The following ADAD2 variants were observed in gnomAD, a reference collection of about 807,000 sequenced individuals.
ADAD2 encodes the protein adenosine deaminase domain containing 2.
ADAD2 carries 60 observed loss-of-function variants against 54.5 expected under a neutral mutation model. The observed-to-expected ratio is 1.10, with a 90% CI of 0.89 to 1.36. The LOEUF (loss-of-function observed/expected upper bound fraction) is 1.36. ADAD2 is among the 40% of genes most tolerant of loss of function. The pLI is 0.00. For missense variants in ADAD2, 1,103 were observed against 801.3 expected (o/e 1.38, Z -4.54); for synonymous variants, 543 against 366.2 (o/e 1.48, Z -5.51).
rs1417298498 is a variant in ADAD2 at position 84,196,346 on chromosome 16, TG to T, written c.1504del (p.Ala502ProfsTer5). The T allele has an allele frequency of 2.5e-6, 4 of 1,612,584 alleles. No homozygotes were observed. The highest frequency in any genetic ancestry group is 3.4e-6 in the Non-Finnish European group (4 of 1,179,804). On this transcript the variant is annotated frameshift_variant, in exon 8 of 10. Coordinates refer to ENST00000315906, the MANE Select transcript of ADAD2 (RefSeq NM_001145400.2). LOFTEE classifies it high-confidence loss of function. ...LGDPGIEVVD[V>X]ATGRVKANAA... ...GACCCTGGCATCGAGGTTGTGGATG[TG>T]GCCACCGGGCGTGTGAAGGCCAAGT...
At position 84,191,658 on chromosome 16, in the gene ADAD2, G is replaced by A; in HGVS notation, c.418+10G>A. On this transcript the variant is annotated intron_variant, in intron 1 of 9. Coordinates refer to ENST00000315906, the MANE Select transcript of ADAD2 (RefSeq NM_001145400.2). Reference sequence around the variant, plus strand: ...GAGGACCAGCCACCAGGTGAGGCCGGGCCGGGGCATGGCTGTGCCAGAGGG... The same window carrying A: ...GAGGACCAGCCACCAGGTGAGGCCGAGCCGGGGCATGGCTGTGCCAGAGGG... 6.4e-7 allele frequency: 1 copy of A among 1,555,432 alleles called. No homozygotes were observed. Among genetic ancestry groups the A allele is most frequent in the Non-Finnish European group, 8.7e-7 (1 of 1,150,270 alleles).
In ADAD2 at chr16:84,194,283, G is replaced by A. The variant is rs557283546; in HGVS notation, c.419-159G>A. ...TGCAGAGGCACTCAAGGGTGTGCGC[G>A]GCATGGGGTGGCGATGGAGCCTGCT... is the stretch of plus-strand genomic sequence containing the variant. On this transcript the variant is annotated intron_variant, in intron 1 of 9. Transcript: ENST00000315906. The A allele has an allele frequency of 3.6e-5, 56 of 1,549,180 alleles. No homozygotes were observed. In the African/African-American group the frequency reaches 3.7e-4, roughly 10 times the overall value.
rs1454322478 is a variant in ADAD2 at position 84,191,388 on chromosome 16, G to C, written c.158G>C (p.Arg53Pro). ...CCCGCGCCCGCGCCCGCGACGTATC[G>C]CGCGGAGGGCGGGTGGCCCCAGGTC... ...WGPAPAPATY[R>P]AEGGWPQVSV... The change falls in exon 1 of 10, where the codon CGC (arginine) becomes CCC (proline). Residue 53 changes from arginine to proline, a missense_variant. Arg to Pro is a moderately radical substitution (Grantham distance 103, BLOSUM62 -2). Transcript: ENST00000315906. 3.3e-6 allele frequency: 5 copies of C among 1,503,840 alleles called. No individual in the cohort carries two copies. Among genetic ancestry groups the C allele is most frequent in the African/African-American group, 2.8e-5 (2 of 71,352 alleles). 93.2% of individuals were successfully genotyped at this position (1,503,840 alleles called of 1,614,324 possible).
In ADAD2 at chr16:84,196,693, C is replaced by G. The variant is rs113320776; in HGVS notation, c.1573C>G (p.Arg525Gly). ...PSRLCKASFLRAFHQAARAVG... is the reference protein window; with the variant it reads ...PSRLCKASFLGAFHQAARAVG... ...CCGTCTCTGCAAGGCCTCCTTTCTCCGGGCCTTTCACCAGGCGGCCAGGGC... is the reference window on the plus strand; with the variant it reads ...CCGTCTCTGCAAGGCCTCCTTTCTCGGGGCCTTTCACCAGGCGGCCAGGGC... The change falls in exon 9 of 10, where the codon CGG becomes GGG. Residue 525 changes from arginine (R) to glycine (G), a missense_variant. Physicochemically the swap from Arg to Gly is moderately radical, Grantham distance 125. Transcript: ENST00000315906. 14 of 1,613,448 alleles carry G rather than the reference C, an allele frequency of 8.7e-6. No individual in the cohort carries two copies. In the Admixed American group the frequency reaches 1.0e-4, roughly 12 times the overall value.
chr16:84,195,399 G>C lies in ADAD2; in HGVS notation c.837G>C (p.Gln279His). 1 of 1,609,056 alleles carries C rather than the reference G, an allele frequency of 6.2e-7. No homozygotes were observed. Among genetic ancestry groups the C allele is most frequent in the Non-Finnish European group, 8.5e-7 (1 of 1,179,440 alleles). The change falls in exon 5 of 10, where the codon CAG becomes CAC. Residue 279 changes from glutamine to histidine, a missense_variant. Transcript: ENST00000315906. ...GCTGGCTGGAGTTCTCGGGCCAGCAGCTCCACGACTGCCATGGCCTGGTCA... is the reference window on the plus strand; with the variant it reads ...GCTGGCTGGAGTTCTCGGGCCAGCACCTCCACGACTGCCATGGCCTGGTCA... ...CAGWLEFSGQ[Q>H]LHDCHGLVIA...
chr16:84,192,944 A>C (rs2089674004), intron 1 of ADAD2: 1 of 151,832 alleles, frequency 6.6e-6, no homozygotes, highest in South Asian at 2.1e-4. Context: ...TTTCGAATTC[A>C]AACGATTCTT....
rs1255308225 is a variant in ADAD2 at position 84,197,039 on chromosome 16, C to T, written c.*65C>T. ...TACCCCTGCTGGGGGAGTGCCCTATCTGAGGAGCGTTGTGGGGAGAACATG... is the reference window on the plus strand; with the variant it reads ...TACCCCTGCTGGGGGAGTGCCCTATTTGAGGAGCGTTGTGGGGAGAACATG... On this transcript the variant is annotated 3_prime_UTR_variant, in exon 10 of 10. Coordinates refer to ENST00000315906, the MANE Select transcript of ADAD2 (RefSeq NM_001145400.2). 9 of 1,480,166 alleles carry T rather than the reference C, an allele frequency of 6.1e-6. No individual in the cohort carries two copies. In the Admixed American group the frequency reaches 1.8e-4, roughly 30 times the overall value. 91.7% of individuals were successfully genotyped at this position (1,480,166 alleles called of 1,614,324 possible).
Position 84,196,526 on chromosome 16 carries a change from G to C in ADAD2, c.1527-121G>C, listed in dbSNP as rs1371287407. 7 of 1,551,618 alleles carry C rather than the reference G, an allele frequency of 4.5e-6. No individual in the cohort carries two copies. The East Asian group carries it at 1.1e-4, about 25-fold the overall frequency. Reference sequence around the variant, plus strand: ...GCTCCGTAGTGGTGGCCACACCTCTGTCTGCCCTGTGAGTCCTGTGACATT... The same window carrying C: ...GCTCCGTAGTGGTGGCCACACCTCTCTCTGCCCTGTGAGTCCTGTGACATT... On this transcript the variant is annotated intron_variant, in intron 8 of 9. Coordinates refer to ENST00000315906, the MANE Select transcript of ADAD2 (RefSeq NM_001145400.2).
At position 84,194,494 on chromosome 16, in the gene ADAD2, T is replaced by C. The variant is rs756244977; in HGVS notation, c.471T>C (p.Pro157=). ...VSAELDGVVC[P]AGTANSKTEA... ...CGGAACTGGATGGGGTGGTCTGCCC[T>C]GCGGGCACTGCGAATAGCAAGACGG... is the stretch of plus-strand genomic sequence containing the variant. The change falls in exon 2 of 10, where the codon CCT becomes CCC. Residue 157 remains proline (P), a synonymous_variant. Transcript: ENST00000315906. 6.8e-6 allele frequency: 11 copies of C among 1,611,732 alleles called. No individual in the cohort carries two copies. In the African/African-American group the frequency reaches 8.0e-5, roughly 12 times the overall value.
Position 84,191,525 on chromosome 16 carries a change from G to C in ADAD2, c.295G>C (p.Val99Leu). Residue 99 changes from valine (V) to leucine (L), a missense_variant, in exon 1 of 10, where the codon GTG becomes CTG. Physicochemically the swap from Val to Leu is conservative, Grantham distance 32 (BLOSUM62 1). Transcript: ENST00000315906. The part of the protein sequence containing the change: ...EQMGKAPRVP[V>L]PPAGLSLPLK... ...GATGGGGAAGGCCCCGAGGGTCCCT[G>C]TGCCCCCAGCAGGGCTCAGCCTGCC... The C allele has an allele frequency of 1.3e-6, 2 of 1,546,252 alleles. No individual in the cohort carries two copies. The highest frequency in any genetic ancestry group is 1.7e-6 in the Non-Finnish European group (2 of 1,146,568).
intron 2 of ADAD2, 22 bp from the exon 3 acceptor site, chr16:84,194,911 C>A (rs2089706215): frequency 6.3e-7 from 1 of 1,589,150 alleles, no homozygotes. Context: ...CCACACCAGC[C>A]CGCCCTCCTT....
rs2089740673 is a variant in ADAD2 at position 84,196,980 on chromosome 16, G to C, written c.*6G>C. ...TGGGCAAATTCAGAAACTGAAGCCA[G>C]CCTCGGCGGGACCGAGGTCCCGGAG... On this transcript the variant is annotated 3_prime_UTR_variant, in exon 10 of 10. Transcript: ENST00000315906. The C allele has an allele frequency of 6.3e-7, 1 of 1,586,510 alleles. No individual in the cohort carries two copies. Among genetic ancestry groups the C allele is most frequent in the South Asian group, 1.1e-5 (1 of 87,212 alleles).
intron 1 of ADAD2, 24 bp from the exon 2 acceptor site, chr16:84,194,418 T>A: frequency 1.3e-6 from 2 of 1,597,442 alleles, no homozygotes; most frequent in African/African-American, 1.3e-5. Flanking sequence ...AGGGGGCTGC[T>A]TCCTCACCTG....
In ADAD2 at chr16:84,191,220, C is replaced by A; in HGVS notation, c.-11C>A. On this transcript the variant is annotated 5_prime_UTR_variant, in exon 1 of 10. Coordinates refer to ENST00000315906, the MANE Select transcript of ADAD2 (RefSeq NM_001145400.2). ...GATAGGGCCTAGCGCCTCAGATCTT[C>A]GTTGGCGGCCATGGCTTCGGCTTCT... 1 of 1,606,148 alleles carries A rather than the reference C, an allele frequency of 6.2e-7. No individual in the cohort carries two copies. The highest frequency in any genetic ancestry group is 8.5e-7 in the Non-Finnish European group (1 of 1,175,982).
In ADAD2 at chr16:84,196,787, C is replaced by A; in HGVS notation, c.1647+20C>A. The A allele has an allele frequency of 6.2e-7, 1 of 1,603,422 alleles. No individual in the cohort carries two copies. On this transcript the variant is annotated intron_variant, in intron 9 of 9. Coordinates refer to ENST00000315906, the MANE Select transcript of ADAD2 (RefSeq NM_001145400.2). ...GCCAAGGTTGGTTCCCCACCCTCCC[C>A]CCGTCCCGGTCCCTCTCCAGCCCTG...
Position 84,191,346 on chromosome 16 carries a change from C to T in ADAD2, c.116C>T (p.Ala39Val), listed in dbSNP as rs1318553634. The T allele has an allele frequency of 6.4e-7, 1 of 1,571,346 alleles. No individual in the cohort carries two copies. The highest frequency in any genetic ancestry group is 8.6e-7 in the Non-Finnish European group (1 of 1,161,132). Residue 39 changes from alanine to valine, a missense_variant, in exon 1 of 10, where the codon GCC becomes GTC. Ala to Val is a moderately conservative substitution (Grantham distance 64). Transcript: ENST00000315906. ...PRPWRPLPAQ[A>V]QSAWGPAPAP... ...CCCTGGCGACCGCTACCCGCCCAGG[C>T]CCAAAGTGCCTGGGGGCCCGCGCCC...
At chr16:84,194,906 C>T in intron 2 of ADAD2, 27 bp from the exon 3 acceptor site, 1 of 1,583,898 alleles carries the variant, frequency 6.3e-7, no homozygotes, top group South Asian at 1.2e-5. Context: ...GGCACCCACA[C>T]CAGCCCGCCC....
chr16:84,195,370 G>A lies in ADAD2; in HGVS notation c.808G>A (p.Ala270Thr). Residue 270 changes from alanine to threonine, a missense_variant, in exon 5 of 10, where the codon GCT becomes ACT. By Grantham distance (58) the Ala-to-Thr change is moderately conservative (BLOSUM62 0). Transcript: ENST00000315906. ...TCTGGGCACCGGCAGCAGCTGCTGTGCTGGCTGGCTGGAGTTCTCGGGCCA... is the reference window on the plus strand; with the variant it reads ...TCTGGGCACCGGCAGCAGCTGCTGTACTGGCTGGCTGGAGTTCTCGGGCCA... ...VALGTGSSCC[A>T]GWLEFSGQQL... The A allele has an allele frequency of 8.7e-6, 14 of 1,609,120 alleles. No homozygotes were observed. The highest frequency in any genetic ancestry group is 1.2e-5 in the Non-Finnish European group (14 of 1,179,466).
intron 1 of ADAD2, 148 bp from the exon 2 acceptor site, chr16:84,194,294 G>A (rs1043682467): frequency 7.9e-5 from 122 of 1,548,806 alleles, no homozygotes; most frequent in Non-Finnish European, 1.0e-4. Flanking sequence ...GCATGGGGTG[G>A]CGATGGAGCC....
Sources: allele counts gnomAD v4.1 joint callset, GRCh38; gene constraint gnomAD v4.1.1; transcripts MANE v1.5; gene names NCBI Gene and HGNC (gene_info 2026-07-23, HGNC 2026-07-21).